Variants in RHEB observed in about 807,000 individuals in gnomAD.
RHEB encodes Ras homolog, mTORC1 binding, also known as GTP-binding protein Rheb.
Under a neutral mutation model 28.8 loss-of-function variants are expected in RHEB, and 2 were observed. The ratio of observed to expected loss-of-function variants is 0.07; its 90% confidence interval spans 0.03 to 0.22. The LOEUF (loss-of-function observed/expected upper bound fraction) is 0.22. RHEB is among the 10% of genes least tolerant of loss of function. The pLI is 1.00. For missense variants in RHEB, 76 were observed against 219.9 expected (o/e 0.35, Z 4.14); for synonymous variants, 69 against 77.3 (o/e 0.89, Z 0.56).
chr7:151,514,592 C>T (rs576845793), intron 1 of RHEB, among the ~76,000 whole-genome samples: 1 of 152,286 alleles, frequency 6.6e-6, no homozygotes, highest in East Asian at 1.9e-4. Flanking sequence ...TGCAGCTGTT[C>T]TGGAAAAAAT....
chr7:151,491,891 G>C (rs771708131), intron 1 of RHEB, among the ~76,000 whole-genome samples: 7 of 152,096 alleles, frequency 4.6e-5, no homozygotes, highest in Non-Finnish European at 1.0e-4. Flanking sequence ...GCCAATAATT[G>C]AACTTGTATG....
At chr7:151,484,829 A>AATGT in intron 2 of RHEB, 25 bp from the exon 3 acceptor site, 4 of 1,541,404 alleles carry the variant, frequency 2.6e-6, no homozygotes, top group South Asian at 1.1e-5. Flanking sequence ...GAAATTAAAC[A>AATGT]TTAGTTTAAA....
chr7:151,503,471 T>C, intron 1 of RHEB: 4 of 1,099,938 alleles, frequency 3.6e-6, no homozygotes, highest in Non-Finnish European at 4.2e-6. Flanking sequence ...TAGACATGAG[T>C]CTGGCAAAAC....
At position 151,484,811 on chromosome 7, in the gene RHEB, G is replaced by A. The variant is rs761502482; in HGVS notation, c.125-7C>T. On this transcript the variant is annotated splice_polypyrimidine_tract_variant and splice_region_variant and intron_variant, in intron 2 of 7. Coordinates refer to ENST00000262187, the MANE Select transcript of RHEB (RefSeq NM_005614.4). The stretch of plus-strand genomic sequence containing the variant: ...GTGATCAACTTTGTAAAAGCTACAG[G>A]GAAAAAGGAAATTAAACATTAGTTT... 1.9e-6 allele frequency: 3 copies of A among 1,598,604 alleles called. No homozygotes were observed. Among genetic ancestry groups the A allele is most frequent in the East Asian group, 2.2e-5 (1 of 44,788 alleles).
intron 1 of RHEB, 106 bp downstream of exon 1, chr7:151,519,354 C>A: frequency 2.5e-6 from 2 of 796,468 alleles, no homozygotes; most frequent in Non-Finnish European, 3.3e-6. Flanking sequence ...CCGCCCGCCC[C>A]GCCACATGGC....
At chr7:151,502,228 CAAAAA>C (rs34312270) in intron 1 of RHEB, 1,544 of 330,046 alleles carry the variant, frequency 4.7e-3, no homozygotes, top group South Asian at 7.3e-3. Context: ...AGAGCTGTCT[CAAAAA>C]AAAAAAAAAA....
At chr7:151,519,155 C>G (rs1175618711) in intron 1 of RHEB, 1 of 157,972 alleles carries the variant, frequency 6.3e-6, no homozygotes, top group African/African-American at 2.4e-5. Context: ...CCTCACTTCC[C>G]CAGACGAGAC....
At chr7:151,518,899 G>C (rs1390444647) in intron 1 of RHEB, 2 of 152,216 alleles carry the variant, frequency 1.3e-5, no homozygotes, top group Non-Finnish European at 2.9e-5. Flanking sequence ...TTCCTATGCA[G>C]AAAACTTGCG....
At chr7:151,495,180 G>A (rs1390619958) in intron 1 of RHEB, among the ~76,000 whole-genome samples, 1 of 152,150 alleles carries the variant, frequency 6.6e-6, no homozygotes. Flanking sequence ...GCTTGCTGAA[G>A]ATAATCTCAC....
intron 3 of RHEB, among the ~76,000 whole-genome samples, chr7:151,483,540 G>A (rs953975715): frequency 7.9e-5 from 12 of 152,108 alleles, no homozygotes; most frequent in Admixed American, 5.2e-4. Context: ...CCAATATGGC[G>A]AAACCCCGCC....
chr7:151,487,950 G>A (rs1043265698), intron 2 of RHEB, among the ~76,000 whole-genome samples: 2 of 152,178 alleles, frequency 1.3e-5, no homozygotes, highest in East Asian at 3.8e-4. Context: ...TGTGGTGAGG[G>A]CTCTTCATTC....
Position 151,502,747 on chromosome 7 carries a change from A to G in RHEB, c.53-11733T>C, listed in dbSNP as rs1309649776. On this transcript the variant is annotated intron_variant, in intron 1 of 7. Transcript: ENST00000262187. Reference sequence around the variant, plus strand: ...CAGTAGAGGCGTTTTGCCCGTTTAAAAATGGAAAAGCGACATAACTATGTT... The same window carrying G: ...CAGTAGAGGCGTTTTGCCCGTTTAAGAATGGAAAAGCGACATAACTATGTT... The G allele has an allele frequency of 5.2e-6, 8 of 1,552,574 alleles. No homozygotes were observed. In the Admixed American group the frequency reaches 1.2e-4, roughly 23 times the overall value.
At chr7:151,487,276 G>A (rs1413999315) in intron 2 of RHEB, among the ~76,000 whole-genome samples, 1 of 152,222 alleles carries the variant, frequency 6.6e-6, no homozygotes, top group East Asian at 1.9e-4. Context: ...ACTCCTGCCT[G>A]AAGGACAGAG....
chr7:151,506,526 T>C (rs1384724453), intron 1 of RHEB, among the ~76,000 whole-genome samples: 5 of 152,290 alleles, frequency 3.3e-5, no homozygotes, highest in Admixed American at 2.6e-4. Context: ...ATGTAGCAAG[T>C]GCTCAGCAAA....
intron 4 of RHEB, 65 bp from the exon 5 acceptor site, chr7:151,471,670 G>A (rs1448287157): frequency 9.7e-7 from 1 of 1,027,950 alleles, no homozygotes; most frequent in Non-Finnish European, 1.5e-6. Flanking sequence ...TGTATGTTAT[G>A]TTGCCAGCTG....
At chr7:151,470,532 G>A in intron 7 of RHEB, 39 bp downstream of exon 7, 2 of 1,384,486 alleles carry the variant, frequency 1.4e-6, no homozygotes, top group Non-Finnish European at 2.1e-6. Flanking sequence ...TGCGACTGAT[G>A]AGAACGCAAT....
intron 7 of RHEB, 191 bp downstream of exon 7, chr7:151,470,380 G>T: frequency 2.2e-6 from 1 of 446,656 alleles, no homozygotes. Flanking sequence ...ACTGTAAGTA[G>T]AATACTGACT....
intron 1 of RHEB, among the ~76,000 whole-genome samples, chr7:151,491,801 A>G (rs1332287339): frequency 6.6e-6 from 1 of 152,208 alleles, no homozygotes; most frequent in Non-Finnish European, 1.5e-5. Flanking sequence ...ACTCCTTTGA[A>G]GCTAGAAATC....
chr7:151,467,244 A>T, intron 7 of RHEB, 33 bp from the exon 8 acceptor site: 6 of 1,501,736 alleles, frequency 4.0e-6, no homozygotes, highest in African/African-American at 1.4e-5. Flanking sequence ...TCACAGTGTT[A>T]GTGTGAAGCC....
Sources: gnomAD v4.1 joint callset for allele counts (sites outside exome capture counted in the v4.1 genomes callset) on GRCh38, gnomAD v4.1.1 for gene constraint, MANE v1.5 for transcripts, NCBI Gene and HGNC (gene_info 2026-07-23, HGNC 2026-07-21) for gene names.